Variants in ZC3H8 observed in about 807,000 individuals in gnomAD.
ZC3H8 encodes the protein zinc finger CCCH domain-containing protein 8.
In ZC3H8, 27 loss-of-function variants were observed where a neutral mutation model predicts 42.5. The observed-to-expected ratio is 0.64, with a 90% confidence interval of 0.47 to 0.88. The LOEUF (loss-of-function observed/expected upper bound fraction) is 0.88. ZC3H8 is among the 40% of genes least tolerant of loss of function. The probability of loss-of-function intolerance (pLI) is 0.00; values close to 1 mark genes in which losing one functional copy is unlikely to be tolerated. For synonymous variants in ZC3H8, 101 were observed against 110.1 expected, an observed-to-expected ratio of 0.92 and a Z score of 0.52; for missense variants, 277 against 336.1, an observed-to-expected ratio of 0.82 and a Z score of 1.37.
intron 8 of ZC3H8, among the ~76,000 whole-genome samples, chr2:112,220,150 C>T (rs969429433): frequency 2.6e-5 from 4 of 152,182 alleles, no homozygotes; most frequent in South Asian, 2.1e-4. Context: ...TATTTACATT[C>T]AAGGTTAGTA....
At chr2:112,237,408 A>G (rs1685383017) in intron 3 of ZC3H8, among the ~76,000 whole-genome samples, 1 of 152,162 alleles carries the variant, frequency 6.6e-6, no homozygotes, top group African/African-American at 2.4e-5. Context: ...CACTGAAAAC[A>G]TTTTAAATAG....
At position 112,240,992 on chromosome 2, in the gene ZC3H8, T is replaced by TGC. The variant is rs1553486843; in HGVS notation, c.157-2465_157-2464insGC. On this transcript the variant is annotated intron_variant, in intron 2 of 8. Coordinates refer to ENST00000409573, the MANE Select transcript of ZC3H8 (RefSeq NM_032494.3). The stretch of plus-strand genomic sequence containing the variant: ...GTGTGTGTGTGTGTGTGTGCGCGTG[T>TGC]GTATGTGTGTTGTGTTTTGTGTGTG... 7.0e-3 allele frequency among the ~76,000 whole-genome samples: 1,001 copies of TGC among 143,794 alleles called. 8 individuals are homozygous for TGC. The highest frequency in any genetic ancestry group is 0.048 in the South Asian group (215 of 4,446). The allele number at this position is 143,794 out of a possible 152,430, so 94.3% of individuals were successfully genotyped here. A position where few individuals can be genotyped will look rare whatever the true frequency, so the allele number is the denominator to read the frequency against.
intron 4 of ZC3H8, among the ~76,000 whole-genome samples, chr2:112,235,297 T>C (rs1314793036): frequency 6.6e-6 from 1 of 152,244 alleles, no homozygotes; most frequent in East Asian, 1.9e-4. Context: ...TTGTTTTATT[T>C]GGTAACATTA....
rs184547941 is a variant in ZC3H8, at chr2:112,235,298, G to T, written c.505-1062C>A. Among the ~76,000 whole-genome samples the T allele has an allele frequency of 3.4e-3, 518 of 152,200 alleles. 1 individual carries two copies. The highest frequency in any genetic ancestry group is 0.012 in the African/African-American group (479 of 41,520). On this transcript the variant is annotated intron_variant, in intron 4 of 8. Transcript: ENST00000409573. ...TGCCAGTTTAAATCTTGTTTTATTT[G>T]GTAACATTATTAAATTCTATATATA...
At chr2:112,233,485 T>C (rs902651145) in intron 5 of ZC3H8, 114 bp from the exon 6 acceptor site, 10 of 697,876 alleles carry the variant, frequency 1.4e-5, no homozygotes, top group Non-Finnish European at 2.5e-5. Context: ...ACCAAAGTCT[T>C]AGAGGTAGCA....
rs1484876417 is a variant in ZC3H8, at chr2:112,231,887, T to C, written c.794A>G (p.Lys265Arg). 6 of 1,593,336 alleles carry C rather than the reference T, an allele frequency of 3.8e-6. No individual in the cohort carries two copies. The highest frequency in any genetic ancestry group is 5.1e-6 in the Non-Finnish European group (6 of 1,166,808). ...AGGAGTCAGTGGAGCATGAGAAAAC[T>C]TGCAGTATTCTCCCTGATAACATTT... ...GTKCYQGEYC[K>R]FSHAPLTPET... Residue 265 changes from lysine (K) to arginine (R), a missense_variant, in exon 7 of 9, where the codon AAG becomes AGG. Physicochemically the swap from Lys to Arg is conservative, Grantham distance 26 (BLOSUM62 2). Coordinates refer to ENST00000409573, the MANE Select transcript of ZC3H8 (RefSeq NM_032494.3).
chr2:112,214,452 T>C lies in ZC3H8; in HGVS notation c.*2032A>G, dbSNP rs1444645232. On this transcript the variant is annotated 3_prime_UTR_variant, in exon 9 of 9. Transcript: ENST00000409573. ...ACTTTCTGGCTTTATTTCTCCTGGT[T>C]TGAATTTTTTAGACTATGGTTTTAT... 1 of 152,106 alleles carries C rather than the reference T, an allele frequency of 6.6e-6. No individual in the cohort carries two copies. The highest frequency in any genetic ancestry group is 2.4e-5 in the African/African-American group (1 of 41,412). 9.4% of individuals were successfully genotyped at this position (152,106 alleles called of 1,614,324 possible). A position where few individuals can be genotyped will look rare whatever the true frequency, so the allele number is the denominator to read the frequency against.
intron 8 of ZC3H8, among the ~76,000 whole-genome samples, chr2:112,226,736 G>A (rs909648869): frequency 1.3e-5 from 2 of 151,886 alleles, no homozygotes; most frequent in Non-Finnish European, 2.9e-5. Context: ...ACCTTGATAC[G>A]AAAGCCAGAA....
At chr2:112,219,585 C>T (rs1046331013) in intron 8 of ZC3H8, among the ~76,000 whole-genome samples, 2 of 152,094 alleles carry the variant, frequency 1.3e-5, no homozygotes, top group Admixed American at 1.3e-4. Flanking sequence ...TAGTTTTGAG[C>T]GATTTTCTTA....
chr2:112,218,347 G>A (rs997460012), intron 8 of ZC3H8, among the ~76,000 whole-genome samples: 17 of 152,168 alleles, frequency 1.1e-4, no homozygotes, highest in African/African-American at 3.9e-4. Flanking sequence ...ATGGAACATA[G>A]ACTCTTCTAG....
intron 2 of ZC3H8, among the ~76,000 whole-genome samples, chr2:112,245,199 C>T (rs1004831682): frequency 4.7e-4 from 71 of 152,356 alleles, no homozygotes; most frequent in African/African-American, 1.7e-3. Flanking sequence ...TCAAACCAGT[C>T]ATAACATTCC....
chr2:112,250,605 G>A (rs1685912565), intron 1 of ZC3H8, among the ~76,000 whole-genome samples: 1 of 152,172 alleles, frequency 6.6e-6, no homozygotes, highest in Non-Finnish European at 1.5e-5. Flanking sequence ...TTAGGCCCTG[G>A]ACTACAACAA....
At chr2:112,247,021 C>T (rs1341410194) in intron 2 of ZC3H8, among the ~76,000 whole-genome samples, 6 of 152,158 alleles carry the variant, frequency 3.9e-5, no homozygotes, top group South Asian at 2.1e-4. Flanking sequence ...AAAGATGACT[C>T]GCTGACTGTT....
Position 112,238,430 on chromosome 2 carries a change from T to C in ZC3H8, c.255A>G (p.Glu85=), listed in dbSNP as rs564872868. The C allele has an allele frequency of 1.9e-5, 31 of 1,613,682 alleles. No homozygotes were observed. In the South Asian group the frequency reaches 2.4e-4, roughly 13 times the overall value. Residue 85 remains glutamate, a synonymous_variant, in exon 3 of 9, where the codon GAA becomes GAG. Transcript: ENST00000409573. Reference sequence around the variant, plus strand: ...GCTCTTTGGCAAAATTATCTTCTGATTCCTGACTGCAGATATCATTATCAC... The same window carrying C: ...GCTCTTTGGCAAAATTATCTTCTGACTCCTGACTGCAGATATCATTATCAC... ...VYSDNDICSQ[E]SEDNFAKELQ...
At chr2:112,248,947 C>T (rs1184091616) in intron 2 of ZC3H8, among the ~76,000 whole-genome samples, 1 of 152,136 alleles carries the variant, frequency 6.6e-6, no homozygotes, top group Non-Finnish European at 1.5e-5. Context: ...GTAATCCCAG[C>T]ACTTTGGGAG....
At chr2:112,239,579 CT>C (rs200972008) in intron 2 of ZC3H8, among the ~76,000 whole-genome samples, 1,714 of 86,406 alleles carry the variant, frequency 0.02, 9 homozygotes, top group African/African-American at 0.057. Flanking sequence ...TAACAGTTTA[CT>C]TTTTTTTTTT....
In ZC3H8 at chr2:112,216,306, G is replaced by A. The variant is rs1684317765; in HGVS notation, c.*178C>T. 6.6e-6 allele frequency: 1 copy of A among 152,258 alleles called. No individual in the cohort carries two copies. Among genetic ancestry groups the A allele is most frequent in the Non-Finnish European group, 1.5e-5 (1 of 68,082 alleles). 9.4% of individuals were successfully genotyped at this position (152,258 alleles called of 1,614,324 possible). On this transcript the variant is annotated 3_prime_UTR_variant, in exon 9 of 9. Coordinates refer to ENST00000409573, the MANE Select transcript of ZC3H8 (RefSeq NM_032494.3). ...GACCAAGCCCTTCACTTGTACATTA[G>A]ATCCCAGCTCTCTGTCCCATCCATT...
chr2:112,236,577 G>A lies in ZC3H8; in HGVS notation c.489C>T (p.Ser163=), dbSNP rs769291631. ...ATTCCAATACCTCTTCCTGTGAGCC[G>A]CTGTTCCTCAGCAAAGCATTTGATC... ...NKGSNALLRN[S]GSQEEDGKPK... Residue 163 remains serine (S), a synonymous_variant, in exon 4 of 9, where the codon AGC becomes AGT. Coordinates refer to ENST00000409573, the MANE Select transcript of ZC3H8 (RefSeq NM_032494.3). 330 of 1,613,308 alleles carry A rather than the reference G, an allele frequency of 2.0e-4. 1 individual carries two copies. The highest frequency in any genetic ancestry group is 2.5e-4 in the Non-Finnish European group (297 of 1,179,780).
intron 3 of ZC3H8, among the ~76,000 whole-genome samples, chr2:112,237,815 C>A (rs1234026207): frequency 6.6e-6 from 1 of 152,144 alleles, no homozygotes; most frequent in African/African-American, 2.4e-5. Context: ...GATCCACCAG[C>A]CTCGGCCTTC....
Sources: gnomAD v4.1 joint callset for allele counts (sites outside exome capture counted in the v4.1 genomes callset) on GRCh38, gnomAD v4.1.1 for gene constraint, MANE v1.5 for transcripts, NCBI Gene and HGNC (gene_info 2026-07-23, HGNC 2026-07-21) for gene names.